The following IGF1R variants were observed in gnomAD, a reference collection of about 807,000 sequenced individuals.
IGF1R encodes the protein insulin-like growth factor 1 receptor.
In IGF1R, 44 loss-of-function variants were observed where a neutral mutation model predicts 144.6. The ratio of observed to expected loss-of-function variants is 0.30; its 90% CI spans 0.24 to 0.39. The LOEUF (loss-of-function observed/expected upper bound fraction) is 0.39, where lower values mean the gene tolerates loss of function less well. IGF1R is among the 10% of genes least tolerant of loss of function. IGF1R has a pLI of 1.00. For synonymous variants in IGF1R, 795 were observed against 722.8 expected (o/e 1.10, Z -1.60); for missense variants, 1,355 against 1,833.7 (o/e 0.74, Z 4.77).
At chr15:98,896,143 G>C (rs1171038487) in intron 3 of IGF1R, among the ~76,000 whole-genome samples, 1 of 152,040 alleles carries the variant, frequency 6.6e-6, no homozygotes, top group African/African-American at 2.4e-5. Flanking sequence ...GCAACATTTG[G>C]ATCAATTTAC....
chr15:98,787,289 A>C (rs1037041586), intron 2 of IGF1R, among the ~76,000 whole-genome samples: 1 of 152,156 alleles, frequency 6.6e-6, no homozygotes, highest in Admixed American at 6.5e-5. Flanking sequence ...TTTGTTCATG[A>C]CTATATTAGG....
intron 2 of IGF1R, among the ~76,000 whole-genome samples, chr15:98,843,106 G>T (rs1333477539): frequency 6.6e-6 from 1 of 152,182 alleles, no homozygotes; most frequent in Non-Finnish European, 1.5e-5. Flanking sequence ...CGGCATGTGT[G>T]TCCTTGTGTC....
At chr15:98,855,090 A>T (rs772997367) in intron 2 of IGF1R, among the ~76,000 whole-genome samples, 1 of 151,990 alleles carries the variant, frequency 6.6e-6, no homozygotes, top group African/African-American at 2.4e-5. Flanking sequence ...TTTCCTGTCA[A>T]TCTTGCCTTC....
intron 2 of IGF1R, among the ~76,000 whole-genome samples, chr15:98,810,231 C>T (rs965746452): frequency 6.6e-6 from 1 of 152,062 alleles, no homozygotes. Flanking sequence ...CTAAGGGGTC[C>T]GTAGCTGTGC....
chr15:98,732,248 C>T (rs905742934), intron 2 of IGF1R, among the ~76,000 whole-genome samples: 2 of 152,124 alleles, frequency 1.3e-5, no homozygotes, highest in African/African-American at 4.8e-5. Flanking sequence ...TGCCTAGGAG[C>T]AGGGCCTCGC....
At chr15:98,717,634 A>G (rs2054150289) in intron 2 of IGF1R, among the ~76,000 whole-genome samples, 1 of 152,144 alleles carries the variant, frequency 6.6e-6, no homozygotes, top group African/African-American at 2.4e-5. Context: ...CACCCTAGTC[A>G]TATGTAAACT....
At chr15:98,860,537 TC>T (rs1465265123) in intron 2 of IGF1R, among the ~76,000 whole-genome samples, 1 of 152,222 alleles carries the variant, frequency 6.6e-6, no homozygotes, top group African/African-American at 2.4e-5. Flanking sequence ...CAACATGTAT[TC>T]TGTACTTCTT....
At position 98,707,440 on chromosome 15, in the gene IGF1R, T is replaced by C. The variant is rs539756324; in HGVS notation, c.95-122T>C. On this transcript the variant is annotated intron_variant, in intron 1 of 20. Coordinates refer to ENST00000650285, the MANE Select transcript of IGF1R (RefSeq NM_000875.5). This position sits in a 1 kb window ranked among gnomAD's most constrained non-coding sequence, Gnocchi z 6.7. The stretch of plus-strand genomic sequence containing the variant: ...CAACCCACAGCTCTGCAGTGAACAA[T>C]TGAACCTCATTTCTTTAATAATAAT... 9.6e-6 allele frequency: 10 copies of C among 1,045,294 alleles called. No individual in the cohort carries two copies. Among genetic ancestry groups the C allele is most frequent in the African/African-American group, 1.6e-5 (1 of 63,248 alleles). The allele number at this position is 1,045,294 out of a possible 1,614,324, so 64.8% of individuals were successfully genotyped here. A position where few individuals can be genotyped will look rare whatever the true frequency, so the allele number is the denominator to read the frequency against.
chr15:98,739,612 G>GA (rs142664588), intron 2 of IGF1R, among the ~76,000 whole-genome samples: 170 of 26,584 alleles, frequency 6.4e-3, no homozygotes, highest in South Asian at 0.032. Flanking sequence ...TTGCTAAAAA[G>GA]AAAAAAAAAT....
chr15:98,942,503 A>G (rs898912360), intron 18 of IGF1R, among the ~76,000 whole-genome samples: 14 of 152,020 alleles, frequency 9.2e-5, no homozygotes, highest in African/African-American at 3.1e-4. Flanking sequence ...ACAACTGACT[A>G]ATTTTTAAAA....
At chr15:98,911,482 C>A (rs2151674565) in intron 7 of IGF1R, 41 bp downstream of exon 7, 1 of 1,613,410 alleles carries the variant, frequency 6.2e-7, no homozygotes. Context: ...GTTGACAGGG[C>A]TACGAATGGG....
chr15:98,750,055 C>A (rs763802648), intron 2 of IGF1R, among the ~76,000 whole-genome samples: 9 of 152,188 alleles, frequency 5.9e-5, no homozygotes, highest in Non-Finnish European at 1.0e-4. Flanking sequence ...GAGGGAATTG[C>A]ATATAGCAAT....
intron 20 of IGF1R, chr15:98,952,841 T>C (rs1034379050): frequency 6.6e-6 from 1 of 152,208 alleles, no homozygotes; most frequent in Non-Finnish European, 1.5e-5. Context: ...TGCTTTGCCA[T>C]CGAGAATTTT....
chr15:98,949,953 A>G (rs1205206866), intron 20 of IGF1R, among the ~76,000 whole-genome samples: 1 of 152,182 alleles, frequency 6.6e-6, no homozygotes, highest in Non-Finnish European at 1.5e-5. Context: ...CAGGCGCACA[A>G]CAGGTACAGG....
rs184170880 is a variant in IGF1R, at chr15:98,907,424, A to G, written c.1248-1261A>G. Among the ~76,000 whole-genome samples, 4 of 152,318 alleles carry G rather than the reference A, an allele frequency of 2.6e-5. No individual in the cohort carries two copies. The East Asian group carries it at 7.7e-4, about 29-fold the overall frequency. On this transcript the variant is annotated intron_variant, in intron 5 of 20. Coordinates refer to ENST00000650285, the MANE Select transcript of IGF1R (RefSeq NM_000875.5). ...TTTGTCCTGGCTACGCTGGCTCTGC[A>G]GGGAGGGCTGGGGTTCTTTCTCCTT... is the stretch of plus-strand genomic sequence containing the variant.
chr15:98,779,275 A>T (rs1386061076), intron 2 of IGF1R, among the ~76,000 whole-genome samples: 1 of 152,230 alleles, frequency 6.6e-6, no homozygotes, highest in South Asian at 2.1e-4. Flanking sequence ...CTCATGTTTC[A>T]TGATGACTTT....
intron 2 of IGF1R, among the ~76,000 whole-genome samples, chr15:98,717,970 C>T (rs1197960186): frequency 1.3e-5 from 2 of 152,072 alleles, no homozygotes; most frequent in Non-Finnish European, 2.9e-5. Flanking sequence ...TGCACGTGTG[C>T]GTGTGTGTTT....
At chr15:98,770,143 C>A (rs2055547416) in intron 2 of IGF1R, among the ~76,000 whole-genome samples, 1 of 152,174 alleles carries the variant, frequency 6.6e-6, no homozygotes, top group Non-Finnish European at 1.5e-5. Context: ...AGTGTGGAAT[C>A]CTGGGTGTCC....
intron 2 of IGF1R, among the ~76,000 whole-genome samples, chr15:98,733,889 A>G (rs2054553550): frequency 6.6e-6 from 1 of 152,090 alleles, no homozygotes; most frequent in Non-Finnish European, 1.5e-5. Flanking sequence ...TCTTATATCT[A>G]GATAATTTAG....
Sources: gnomAD v4.1 joint callset for allele counts (sites outside exome capture counted in the v4.1 genomes callset) on GRCh38, gnomAD v4.1.1 for gene constraint, Gnocchi (gnomAD v3.1) non-coding constraint, MANE v1.5 for transcripts, NCBI Gene and HGNC (gene_info 2026-07-23, HGNC 2026-07-21) for gene names.